The following FAM227B variants were observed in gnomAD, a reference collection of about 807,000 sequenced individuals.
FAM227B encodes family with sequence similarity 227 member B.
A neutral mutation model predicts 73.8 loss-of-function variants in FAM227B; 88 were observed. The ratio of observed to expected loss-of-function variants is 1.19; its 90% CI spans 1.00 to 1.42. The LOEUF is 1.42. Ranked by LOEUF, FAM227B falls within the 40% of genes most tolerant of loss-of-function variation. The pLI, the probability that FAM227B is intolerant of heterozygous loss-of-function variation, is 0.00. For synonymous variants in FAM227B, 210 were observed against 190.5 expected, an observed-to-expected ratio of 1.10 and a Z score of -0.84; for missense variants, 632 against 590.9, an observed-to-expected ratio of 1.07 and a Z score of -0.72.
chr15:49,498,678 A>G (rs1400039030), intron 11 of FAM227B, among the ~76,000 whole-genome samples: 2 of 152,230 alleles, frequency 1.3e-5, no homozygotes, highest in African/African-American at 4.8e-5. Flanking sequence ...CAGAGTGCCA[A>G]GTTGAAAAAA....
At chr15:49,496,505 TAAG>T (rs1389177471) in intron 11 of FAM227B, among the ~76,000 whole-genome samples, 2 of 152,224 alleles carry the variant, frequency 1.3e-5, no homozygotes, top group East Asian at 3.8e-4. Flanking sequence ...ATACACTGCT[TAAG>T]AGGAGCTGGC....
intron 13 of FAM227B, among the ~76,000 whole-genome samples, chr15:49,354,504 G>A (rs921599201): frequency 3.3e-5 from 5 of 152,306 alleles, no homozygotes; most frequent in South Asian, 2.1e-4. Context: ...CTGGAAAATC[G>A]TGTCACTCCC....
chr15:49,575,036 C>T lies in FAM227B; in HGVS notation c.620G>A (p.Trp207Ter). The T allele has an allele frequency of 6.3e-7, 1 of 1,593,972 alleles. No homozygotes were observed. The highest frequency in any genetic ancestry group is 2.3e-5 in the East Asian group (1 of 44,024). The change falls in exon 8 of 16, where the codon TGG (tryptophan) becomes TAG (stop). Residue 207 changes from tryptophan (W) to a stop codon, truncating the protein, a stop_gained. Transcript: ENST00000299338. LOFTEE classifies it high-confidence loss of function. ...CCTAAATTTATGGAGAAACCACCAC[C>T]AAAAGGAGTCATGCAAAAGAGCAAT... ...ASIALLHDSF[W>*]WWFLHKFRPD...
chr15:49,498,057 A>G (rs190748238), intron 11 of FAM227B, among the ~76,000 whole-genome samples: 2 of 152,286 alleles, frequency 1.3e-5, no homozygotes, highest in East Asian at 3.9e-4. Flanking sequence ...AGACCTAAAA[A>G]CTCATTCACA....
At chr15:49,586,763 C>T (rs1378332563) in intron 5 of FAM227B, among the ~76,000 whole-genome samples, 2 of 151,964 alleles carry the variant, frequency 1.3e-5, no homozygotes, top group Non-Finnish European at 2.9e-5. Context: ...ATGCAGCCAA[C>T]AAACATGAAA....
intron 5 of FAM227B, among the ~76,000 whole-genome samples, chr15:49,584,919 A>C (rs901145425): frequency 1.3e-5 from 2 of 152,176 alleles, no homozygotes; most frequent in African/African-American, 4.8e-5. Flanking sequence ...ACAGAATGGG[A>C]GAAAATTTTT....
intron 9 of FAM227B, among the ~76,000 whole-genome samples, chr15:49,557,983 C>T (rs2073891578): frequency 6.6e-6 from 1 of 152,202 alleles, no homozygotes; most frequent in Admixed American, 6.5e-5. Flanking sequence ...GTTTCCAGCA[C>T]AGTGGCCCCA....
At chr15:49,525,179 C>A (rs1385211032) in intron 10 of FAM227B, among the ~76,000 whole-genome samples, 1 of 150,836 alleles carries the variant, frequency 6.6e-6, no homozygotes, top group Non-Finnish European at 1.5e-5. Flanking sequence ...ATCTTGAATT[C>A]CCACATGTTA....
intron 5 of FAM227B, among the ~76,000 whole-genome samples, chr15:49,586,844 C>A (rs1352511479): frequency 1.3e-5 from 2 of 151,992 alleles, no homozygotes; most frequent in Non-Finnish European, 2.9e-5. Context: ...TCACATCAGT[C>A]AGAATAACTG....
intron 11 of FAM227B, chr15:49,423,434 A>G (rs1228075227): frequency 6.6e-6 from 1 of 152,210 alleles, no homozygotes; most frequent in African/African-American, 2.4e-5. Flanking sequence ...TGTTAGCAAC[A>G]AAACAAGTAA....
intron 10 of FAM227B, among the ~76,000 whole-genome samples, chr15:49,535,241 CG>C (rs1337291717): frequency 6.6e-6 from 1 of 151,144 alleles, no homozygotes; most frequent in Non-Finnish European, 1.5e-5. Context: ...AAAGTGGAGA[CG>C]TTACAAGAGA....
chr15:49,522,734 T>C lies in FAM227B; in HGVS notation c.875-14386A>G, dbSNP rs114559891. ...TCAAATTAACTCAGTCATACAAAAA[T>C]TAAAAAAAGAAAGAATTTTTTAAAA... is the stretch of plus-strand genomic sequence containing the variant. On this transcript the variant is annotated intron_variant, in intron 10 of 15. Coordinates refer to ENST00000299338, the MANE Select transcript of FAM227B (RefSeq NM_152647.3). Among the ~76,000 whole-genome samples, 442 of 151,906 alleles carry C rather than the reference T, an allele frequency of 2.9e-3. 1 individual carries two copies. Among genetic ancestry groups the C allele is most frequent in the African/African-American group, 0.01 (434 of 41,448 alleles).
At chr15:49,350,099 C>G (rs1208400862) in intron 13 of FAM227B, among the ~76,000 whole-genome samples, 1 of 152,106 alleles carries the variant, frequency 6.6e-6, no homozygotes, top group Non-Finnish European at 1.5e-5. Flanking sequence ...TCTGATATCC[C>G]TAGGTGGTAT....
chr15:49,366,692 G>T (rs8033184), intron 13 of FAM227B: 1 of 1,452,986 alleles, frequency 6.9e-7, no homozygotes, highest in African/African-American at 1.4e-5. Flanking sequence ...CATCGGACTG[G>T]TGGGTGGCGG....
chr15:49,557,623 C>T (rs1008018797), intron 9 of FAM227B, among the ~76,000 whole-genome samples: 27 of 152,066 alleles, frequency 1.8e-4, no homozygotes, highest in African/African-American at 5.3e-4. Flanking sequence ...ACAAGAGGAG[C>T]GAAGCCAGGC....
rs1245469811 is a variant in FAM227B at position 49,586,055 on chromosome 15, T to C, written c.405+1961A>G. ...TTTTAAATTCATATGGAACCAAAAA[T>C]AGAGCTAAAATACCCAAGACAATCC... On this transcript the variant is annotated intron_variant, in intron 5 of 15. Coordinates refer to ENST00000299338, the MANE Select transcript of FAM227B (RefSeq NM_152647.3). Among the ~76,000 whole-genome samples, 2 of 151,612 alleles carry C rather than the reference T, an allele frequency of 1.3e-5. 1 individual carries two copies. The highest frequency in any genetic ancestry group is 6.8e-3 in the Middle Eastern group (2 of 294).
At chr15:49,401,636 T>C (rs1265497336) in intron 11 of FAM227B, among the ~76,000 whole-genome samples, 1 of 127,352 alleles carries the variant, frequency 7.9e-6, no homozygotes, top group Non-Finnish European at 1.8e-5. Context: ...ATTAAGAAAA[T>C]GTGGCACATA....
At chr15:49,346,113 C>T (rs1317483672) in intron 13 of FAM227B, among the ~76,000 whole-genome samples, 1 of 151,196 alleles carries the variant, frequency 6.6e-6, no homozygotes, top group Non-Finnish European at 1.5e-5. Context: ...CGAAACTTAA[C>T]CTTTACTGGC....
chr15:49,443,057 T>C (rs2051822577), intron 11 of FAM227B, among the ~76,000 whole-genome samples: 1 of 151,772 alleles, frequency 6.6e-6, no homozygotes, highest in Non-Finnish European at 1.5e-5. Flanking sequence ...AGCCAATGAA[T>C]GTTTGAATAT....
Sources: allele counts gnomAD v4.1 joint callset (sites outside exome capture counted in the v4.1 genomes callset), GRCh38; gene constraint gnomAD v4.1.1; transcripts MANE v1.5; gene names NCBI Gene and HGNC (gene_info 2026-07-23, HGNC 2026-07-21).